Variants in ZNF469 observed in about 807,000 individuals in gnomAD.
ZNF469 encodes the protein zinc finger protein 469.
ZNF469 carries 1 observed loss-of-function variant against 1.0 expected under a neutral mutation model. That is an observed-to-expected ratio of 1.00 (90% CI 0.35 to 4.73). The LOEUF (loss-of-function observed/expected upper bound fraction) is 4.73, where lower values mean the gene tolerates loss of function less well. ZNF469 is among the 30% of genes most tolerant of loss of function. ZNF469 has a pLI of 0.16. For synonymous variants in ZNF469, 2,703 were observed against 2,363.4 expected (o/e 1.14, Z -4.17); for missense variants, 6,100 against 5,356.3 (o/e 1.14, Z -4.33).
At chr16:88,292,791 G>A in the ZNF469 span, among the ~76,000 whole-genome samples, 26 of 88,654 alleles carry the variant, frequency 2.9e-4, no homozygotes, top group African/African-American at 1.2e-3. Flanking sequence ...TCTCCACCCT[G>A]TGTTATCAAA....
At chr16:88,116,866 G>T in the ZNF469 span, among the ~76,000 whole-genome samples, 8 of 152,262 alleles carry the variant, frequency 5.3e-5, no homozygotes, top group Admixed American at 2.6e-4. Flanking sequence ...GGCAGCCTGT[G>T]ATGAGGGGAA....
At chr16:88,300,404 G>A in the ZNF469 span, among the ~76,000 whole-genome samples, 1 of 152,088 alleles carries the variant, frequency 6.6e-6, no homozygotes, top group Non-Finnish European at 1.5e-5. Context: ...TCGGATATTC[G>A]ATATCTTTTC....
chr16:88,115,481 C>T, the ZNF469 span, among the ~76,000 whole-genome samples: 13 of 152,116 alleles, frequency 8.5e-5, no homozygotes, highest in East Asian at 1.9e-4. Context: ...GGTCCCCTCC[C>T]GCTTTCCCTC....
At chr16:88,122,831 ATG>A in the ZNF469 span, among the ~76,000 whole-genome samples, 1 of 151,692 alleles carries the variant, frequency 6.6e-6, no homozygotes, top group Non-Finnish European at 1.5e-5. Flanking sequence ...CTGTGTATAT[ATG>A]TGTGTGTGTG....
chr16:88,173,345 G>A, the ZNF469 span, among the ~76,000 whole-genome samples: 78 of 152,282 alleles, frequency 5.1e-4, no homozygotes, highest in Non-Finnish European at 9.0e-4. Flanking sequence ...GCGGTTGGTG[G>A]GGAGAACCTG....
the ZNF469 span, among the ~76,000 whole-genome samples, chr16:88,351,319 C>G: frequency 0.028 from 4,209 of 152,292 alleles, 195 homozygotes; most frequent in African/African-American, 0.096. Context: ...ACGTTAAATG[C>G]TGGGAGTTTC....
chr16:88,166,686 T>A, the ZNF469 span, among the ~76,000 whole-genome samples: 1 of 151,752 alleles, frequency 6.6e-6, no homozygotes, highest in African/African-American at 2.4e-5. This position sits in a 1 kb window ranked among gnomAD's most constrained non-coding sequence, Gnocchi z 4.5. Context: ...CGCCACTGGG[T>A]GAGGCGTTTT....
the ZNF469 span, among the ~76,000 whole-genome samples, chr16:88,283,436 G>A: frequency 2.6e-5 from 4 of 152,290 alleles, no homozygotes; most frequent in South Asian, 8.3e-4. Flanking sequence ...GAACAGAGAG[G>A]GATGGAGAAG....
At chr16:88,415,258 C>G (rs774599335) in intron 1 of ZNF469, among the ~76,000 whole-genome samples, 3 of 152,122 alleles carry the variant, frequency 2.0e-5, no homozygotes, top group African/African-American at 4.8e-5. Flanking sequence ...CACAGCTGAG[C>G]GAGGTCCTGG....
At chr16:88,323,893 C>T in the ZNF469 span, among the ~76,000 whole-genome samples, 11 of 152,262 alleles carry the variant, frequency 7.2e-5, no homozygotes, top group Admixed American at 2.0e-4. Context: ...GGAGGAGGCA[C>T]GTGGGGGTGC....
At chr16:88,244,567 G>C in the ZNF469 span, among the ~76,000 whole-genome samples, 1 of 151,542 alleles carries the variant, frequency 6.6e-6, no homozygotes, top group African/African-American at 2.4e-5. Flanking sequence ...ATGGGTGGAT[G>C]GATGCATGGA....
chr16:88,422,432 ATGGG>A (rs1168674223), intron 1 of ZNF469, among the ~76,000 whole-genome samples: 49 of 98,662 alleles, frequency 5.0e-4, no homozygotes, highest in African/African-American at 1.8e-3. Flanking sequence ...AAAAGGGTGG[ATGGG>A]TGGGTGGGTG....
chr16:88,116,171 G>A, the ZNF469 span, among the ~76,000 whole-genome samples: 2 of 152,212 alleles, frequency 1.3e-5, no homozygotes, highest in Non-Finnish European at 2.9e-5. Flanking sequence ...GCAAGATGTG[G>A]GGGGTGCTCT....
chr16:88,220,223 C>T, the ZNF469 span, among the ~76,000 whole-genome samples: 3 of 152,164 alleles, frequency 2.0e-5, no homozygotes, highest in Admixed American at 6.5e-5. Context: ...GAATCTGCTA[C>T]TGGGGTCCTG....
chr16:88,223,909 T>A, the ZNF469 span, among the ~76,000 whole-genome samples: 1 of 152,156 alleles, frequency 6.6e-6, no homozygotes, highest in Non-Finnish European at 1.5e-5. Flanking sequence ...CAGCACCGCG[T>A]CCCGCCCTGG....
At chr16:88,373,558 G>A in the ZNF469 span, among the ~76,000 whole-genome samples, 3 of 152,192 alleles carry the variant, frequency 2.0e-5, no homozygotes, top group African/African-American at 7.2e-5. Flanking sequence ...CATCTGTAAA[G>A]TGAAAAGCCT....
At chr16:88,392,855 T>C (rs1389986266) in intron 1 of ZNF469, among the ~76,000 whole-genome samples, 2 of 152,178 alleles carry the variant, frequency 1.3e-5, no homozygotes, top group African/African-American at 4.8e-5. Context: ...CCCGGCAGGT[T>C]CCCTCCCCAA....
chr16:88,316,543 G>GTTTTTTT, the ZNF469 span, among the ~76,000 whole-genome samples: 10 of 63,032 alleles, frequency 1.6e-4, no homozygotes, highest in South Asian at 6.1e-4. Flanking sequence ...TATAGGTGCT[G>GTTTTTTT]TCTTTTTTTT....
At chr16:88,211,392 C>T in the ZNF469 span, among the ~76,000 whole-genome samples, 9 of 152,260 alleles carry the variant, frequency 5.9e-5, no homozygotes, top group Admixed American at 2.6e-4. Context: ...ACATCCCATG[C>T]TGGGTCACGG....
Sources: gnomAD v4.1 joint callset for allele counts (sites outside exome capture counted in the v4.1 genomes callset) on GRCh38, gnomAD v4.1.1 for gene constraint, Gnocchi (gnomAD v3.1) non-coding constraint, MANE v1.5 for transcripts, NCBI Gene and HGNC (gene_info 2026-07-23, HGNC 2026-07-21) for gene names.